The following H4C3 variants were observed in gnomAD, a reference collection of about 807,000 sequenced individuals.
H4C3 encodes H4 clustered histone 3.
A neutral mutation model predicts 5.3 loss-of-function variants in H4C3; 10 were observed. That is an observed-to-expected ratio of 1.87 (90% CI 1.16 to 3.18). The LOEUF (loss-of-function observed/expected upper bound fraction) is 3.18, where lower values mean the gene tolerates loss of function less well. H4C3 is among the 30% of genes most tolerant of loss of function. H4C3 has a pLI of 0.00. For missense variants in H4C3, 191 were observed against 152.5 expected, an observed-to-expected ratio of 1.25 and a Z score of -1.33; for synonymous variants, 133 against 56.8, an observed-to-expected ratio of 2.34 and a Z score of -6.03.
In H4C3 at chr6:26,103,977, C is replaced by T. The variant is rs139978722; in HGVS notation, c.30C>T (p.Gly10=). ...CTGGTCGCGGCAAAGGCGGAAAAGG[C>T]TTGGGGAAGGGTGGTGCTAAGCGCC... The part of the protein sequence containing the change: MSGRGKGGK[G]LGKGGAKRHR... Residue 10 remains glycine (G), a synonymous_variant, in exon 1 of 1, where the codon GGC becomes GGT. Coordinates refer to ENST00000377803, the MANE Select transcript of H4C3 (RefSeq NM_003542.4). 154 of 1,611,424 alleles carry T rather than the reference C, an allele frequency of 9.6e-5. No homozygotes were observed. The highest frequency in any genetic ancestry group is 1.6e-4 in the Middle Eastern group (1 of 6,072).
Position 26,104,279 on chromosome 6 carries a change from C to G in H4C3, c.*20C>G, listed in dbSNP as rs752054338. On this transcript the variant is annotated 3_prime_UTR_variant, in exon 1 of 1. Transcript: ENST00000377803. ...GGCTGAATCTAAGAATACGCGGTCTCCTGAGAACTTCAAAAAACAAAAACA... is the reference window on the plus strand; with the variant it reads ...GGCTGAATCTAAGAATACGCGGTCTGCTGAGAACTTCAAAAAACAAAAACA... 1 of 1,550,162 alleles carries G rather than the reference C, an allele frequency of 6.5e-7. No individual in the cohort carries two copies. Among genetic ancestry groups the G allele is most frequent in the Non-Finnish European group, 8.7e-7 (1 of 1,148,946 alleles).
rs1763196045 is a variant in H4C3, at chr6:26,104,106, G to A, written c.159G>A (p.Glu53=). Residue 53 remains glutamate (E), a synonymous_variant, in exon 1 of 1, where the codon GAG becomes GAA. Coordinates refer to ENST00000377803, the MANE Select transcript of H4C3 (RefSeq NM_003542.4). Reference sequence around the variant, plus strand: ...AGCGCATTTCCGGTCTTATCTATGAGGAGACTCGAGGTGTGCTTAAGGTTT... The same window carrying A: ...AGCGCATTTCCGGTCTTATCTATGAAGAGACTCGAGGTGTGCTTAAGGTTT... ...GVKRISGLIY[E]ETRGVLKVFL... The A allele has an allele frequency of 2.5e-6, 4 of 1,614,150 alleles. No individual in the cohort carries two copies. Among genetic ancestry groups the A allele is most frequent in the Non-Finnish European group, 3.4e-6 (4 of 1,180,036 alleles).
In H4C3 at chr6:26,104,316, A is replaced by C; in HGVS notation, c.*57A>C. 6.7e-7 allele frequency: 1 copy of C among 1,484,274 alleles called. No individual in the cohort carries two copies. The highest frequency in any genetic ancestry group is 1.4e-5 in the African/African-American group (1 of 71,204). The allele number at this position is 1,484,274 out of a possible 1,614,324, so 91.9% of individuals were successfully genotyped here. ...AAAAAACAAAAACAAAAAAACCCAA[A>C]GGCCCTTTTCAGGGCCGCTCACAAA... On this transcript the variant is annotated 3_prime_UTR_variant, in exon 1 of 1. Coordinates refer to ENST00000377803, the MANE Select transcript of H4C3 (RefSeq NM_003542.4).
At position 26,104,313 on chromosome 6, in the gene H4C3, C is replaced by T. The variant is rs1039747164; in HGVS notation, c.*54C>T. The T allele has an allele frequency of 1.3e-6, 2 of 1,491,074 alleles. No individual in the cohort carries two copies. Among genetic ancestry groups the T allele is most frequent in the Admixed American group, 2.3e-5 (1 of 44,278 alleles). The allele number at this position is 1,491,074 out of a possible 1,614,324, so 92.4% of individuals were successfully genotyped here. On this transcript the variant is annotated 3_prime_UTR_variant, in exon 1 of 1. Transcript: ENST00000377803. ...TTCAAAAAACAAAAACAAAAAAACC[C>T]AAAGGCCCTTTTCAGGGCCGCTCAC...
Position 26,104,063 on chromosome 6 carries a change from C to G in H4C3, c.116C>G (p.Ala39Gly). 6.2e-7 allele frequency: 1 copy of G among 1,614,190 alleles called. No individual in the cohort carries two copies. Among genetic ancestry groups the G allele is most frequent in the Non-Finnish European group, 8.5e-7 (1 of 1,180,042 alleles). ...ACAAAACCGGCTATTCGCCGTTTGGCTCGGCGCGGTGGCGTCAAGCGCATT... is the reference window on the plus strand; with the variant it reads ...ACAAAACCGGCTATTCGCCGTTTGGGTCGGCGCGGTGGCGTCAAGCGCATT... Reference protein sequence around the residue: ...GITKPAIRRLARRGGVKRISG... With the variant: ...GITKPAIRRLGRRGGVKRISG... The change falls in exon 1 of 1, where the codon GCT (alanine) becomes GGT (glycine). Residue 39 changes from alanine to glycine, a missense_variant. Ala to Gly is a moderately conservative substitution (Grantham distance 60). Coordinates refer to ENST00000377803, the MANE Select transcript of H4C3 (RefSeq NM_003542.4).
chr6:26,103,933 A>T lies in H4C3; in HGVS notation c.-15A>T. 6.3e-7 allele frequency: 1 copy of T among 1,590,932 alleles called. No homozygotes were observed. Reference sequence around the variant, plus strand: ...GGAACTGTTTCAGTTCATACCTTCCACTGCGATAGGAATCATGTCTGGTCG... The same window carrying T: ...GGAACTGTTTCAGTTCATACCTTCCTCTGCGATAGGAATCATGTCTGGTCG... On this transcript the variant is annotated 5_prime_UTR_variant, in exon 1 of 1. Transcript: ENST00000377803.
chr6:26,104,331 C>A lies in H4C3; in HGVS notation c.*72C>A. 1 of 1,379,290 alleles carries A rather than the reference C, an allele frequency of 7.3e-7. No homozygotes were observed. The highest frequency in any genetic ancestry group is 9.8e-7 in the Non-Finnish European group (1 of 1,022,022). The allele number at this position is 1,379,290 out of a possible 1,614,324, so 85.4% of individuals were successfully genotyped here. On this transcript the variant is annotated 3_prime_UTR_variant, in exon 1 of 1. Transcript: ENST00000377803. ...AAAAACCCAAAGGCCCTTTTCAGGG[C>A]CGCTCACAAAGTCGTTTAAAGAGCT...
chr6:26,103,941 A>T lies in H4C3; in HGVS notation c.-7A>T, dbSNP rs755585231. 6.3e-7 allele frequency: 1 copy of T among 1,596,666 alleles called. No homozygotes were observed. Among genetic ancestry groups the T allele is most frequent in the Non-Finnish European group, 8.6e-7 (1 of 1,167,712 alleles). On this transcript the variant is annotated 5_prime_UTR_variant, in exon 1 of 1. Transcript: ENST00000377803. ...TTCAGTTCATACCTTCCACTGCGAT[A>T]GGAATCATGTCTGGTCGCGGCAAAG...
At position 26,104,061 on chromosome 6, in the gene H4C3, G is replaced by T. The variant is rs1397371753; in HGVS notation, c.114G>T (p.Leu38Phe). The change falls in exon 1 of 1, where the codon TTG becomes TTT. Residue 38 changes from leucine to phenylalanine, a missense_variant. Physicochemically the swap from Leu to Phe is conservative, Grantham distance 22. Transcript: ENST00000377803. ...TTACAAAACCGGCTATTCGCCGTTT[G>T]GCTCGGCGCGGTGGCGTCAAGCGCA... Reference protein sequence around the residue: ...QGITKPAIRRLARRGGVKRIS... With the variant: ...QGITKPAIRRFARRGGVKRIS... The T allele has an allele frequency of 6.2e-7, 1 of 1,614,180 alleles. No individual in the cohort carries two copies. The highest frequency in any genetic ancestry group is 1.3e-5 in the African/African-American group (1 of 75,040).
At position 26,104,039 on chromosome 6, in the gene H4C3, C is replaced by G. The variant is rs1763193755; in HGVS notation, c.92C>G (p.Thr31Arg). Residue 31 changes from threonine to arginine, a missense_variant, in exon 1 of 1, where the codon ACA becomes AGA. Coordinates refer to ENST00000377803, the MANE Select transcript of H4C3 (RefSeq NM_003542.4). ...KVLRDNIQGI[T>R]KPAIRRLARR... ...CTCCGGGATAACATCCAGGGCATTA[C>G]AAAACCGGCTATTCGCCGTTTGGCT... 6.2e-7 allele frequency: 1 copy of G among 1,614,060 alleles called. No homozygotes were observed.
At position 26,103,994 on chromosome 6, in the gene H4C3, C is replaced by T; in HGVS notation, c.47C>T (p.Ala16Val). The change falls in exon 1 of 1, where the codon GCT becomes GTT. Residue 16 changes from alanine (A) to valine (V), a missense_variant. Ala to Val is a moderately conservative substitution (Grantham distance 64). Transcript: ENST00000377803. ...GGAAAAGGCTTGGGGAAGGGTGGTGCTAAGCGCCATCGTAAGGTGCTCCGG... is the reference window on the plus strand; with the variant it reads ...GGAAAAGGCTTGGGGAAGGGTGGTGTTAAGCGCCATCGTAAGGTGCTCCGG... ...KGGKGLGKGG[A>V]KRHRKVLRDN... 3 of 1,613,900 alleles carry T rather than the reference C, an allele frequency of 1.9e-6. No homozygotes were observed. Among genetic ancestry groups the T allele is most frequent in the Non-Finnish European group, 2.5e-6 (3 of 1,179,814 alleles).
Position 26,104,016 on chromosome 6 carries a change from C to G in H4C3, c.69C>G (p.Leu23=), listed in dbSNP as rs1345042601. 2.5e-6 allele frequency: 4 copies of G among 1,614,134 alleles called. No homozygotes were observed. Among genetic ancestry groups the G allele is most frequent in the Admixed American group, 1.7e-5 (1 of 60,008 alleles). ...KGGAKRHRKV[L]RDNIQGITKP... The stretch of plus-strand genomic sequence containing the variant: ...GTGCTAAGCGCCATCGTAAGGTGCT[C>G]CGGGATAACATCCAGGGCATTACAA... The change falls in exon 1 of 1, where the codon CTC becomes CTG. Residue 23 remains leucine, a synonymous_variant. Transcript: ENST00000377803.
In H4C3 at chr6:26,104,295, A is replaced by G. The variant is rs746933560; in HGVS notation, c.*36A>G. On this transcript the variant is annotated 3_prime_UTR_variant, in exon 1 of 1. Coordinates refer to ENST00000377803, the MANE Select transcript of H4C3 (RefSeq NM_003542.4). ...ACGCGGTCTCCTGAGAACTTCAAAA[A>G]ACAAAAACAAAAAAACCCAAAGGCC... The G allele has an allele frequency of 1.6e-5, 25 of 1,529,094 alleles. No homozygotes were observed. Among genetic ancestry groups the G allele is most frequent in the Admixed American group, 4.4e-5 (2 of 45,932 alleles). The allele number at this position is 1,529,094 out of a possible 1,614,324, so 94.7% of individuals were successfully genotyped here.
rs756104062 is a variant in H4C3, at chr6:26,104,058, T to C, written c.111T>C (p.Arg37=). ...GCATTACAAAACCGGCTATTCGCCG[T>C]TTGGCTCGGCGCGGTGGCGTCAAGC... ...IQGITKPAIR[R]LARRGGVKRI... Residue 37 remains arginine, a synonymous_variant, in exon 1 of 1, where the codon CGT becomes CGC. Coordinates refer to ENST00000377803, the MANE Select transcript of H4C3 (RefSeq NM_003542.4). 2.6e-5 allele frequency: 42 copies of C among 1,614,038 alleles called. No individual in the cohort carries two copies. The Admixed American group carries it at 6.0e-4, about 23-fold the overall frequency.
Position 26,104,110 on chromosome 6 carries a change from A to G in H4C3, c.163A>G (p.Thr55Ala). 2 of 1,613,848 alleles carry G rather than the reference A, an allele frequency of 1.2e-6. No individual in the cohort carries two copies. The highest frequency in any genetic ancestry group is 1.7e-6 in the Non-Finnish European group (2 of 1,179,954). The change falls in exon 1 of 1, where the codon ACT becomes GCT. Residue 55 changes from threonine to alanine, a missense_variant. Physicochemically the swap from Thr to Ala is moderately conservative, Grantham distance 58. Coordinates refer to ENST00000377803, the MANE Select transcript of H4C3 (RefSeq NM_003542.4). ...KRISGLIYEE[T>A]RGVLKVFLEN... is the part of the protein sequence containing the mutation. ...CATTTCCGGTCTTATCTATGAGGAG[A>G]CTCGAGGTGTGCTTAAGGTTTTCTT...
Position 26,104,040 on chromosome 6 carries a change from A to G in H4C3, c.93A>G (p.Thr31=), listed in dbSNP as rs751464949. Residue 31 remains threonine, a synonymous_variant, in exon 1 of 1, where the codon ACA becomes ACG. Transcript: ENST00000377803. ...TCCGGGATAACATCCAGGGCATTAC[A>G]AAACCGGCTATTCGCCGTTTGGCTC... ...KVLRDNIQGI[T]KPAIRRLARR... 8.7e-6 allele frequency: 14 copies of G among 1,614,102 alleles called. No individual in the cohort carries two copies. The highest frequency in any genetic ancestry group is 1.7e-5 in the Admixed American group (1 of 60,008).
Position 26,104,244 on chromosome 6 carries a change from T to C in H4C3, c.297T>C (p.Tyr99=). The C allele has an allele frequency of 1.3e-6, 2 of 1,592,948 alleles. No homozygotes were observed. Among genetic ancestry groups the C allele is most frequent in the South Asian group, 2.2e-5 (2 of 89,764 alleles). Residue 99 remains tyrosine, a synonymous_variant, in exon 1 of 1, where the codon TAT becomes TAC. Coordinates refer to ENST00000377803, the MANE Select transcript of H4C3 (RefSeq NM_003542.4). ...TAAAACGTCAGGGGCGCACTCTGTATGGCTTCGGCGGCTGAATCTAAGAAT... is the reference window on the plus strand; with the variant it reads ...TAAAACGTCAGGGGCGCACTCTGTACGGCTTCGGCGGCTGAATCTAAGAAT... ...YALKRQGRTL[Y]GFGG
rs760135344 is a variant in H4C3 at position 26,103,933 on chromosome 6, A to G, written c.-15A>G. ...GGAACTGTTTCAGTTCATACCTTCC[A>G]CTGCGATAGGAATCATGTCTGGTCG... On this transcript the variant is annotated 5_prime_UTR_variant, in exon 1 of 1. Coordinates refer to ENST00000377803, the MANE Select transcript of H4C3 (RefSeq NM_003542.4). 1.6e-5 allele frequency: 25 copies of G among 1,590,872 alleles called. No individual in the cohort carries two copies. In the Admixed American group the frequency reaches 2.1e-4, roughly 13 times the overall value.
Position 26,104,066 on chromosome 6 carries a change from G to A in H4C3, c.119G>A (p.Arg40Gln), listed in dbSNP as rs1763195130. The A allele has an allele frequency of 6.2e-7, 1 of 1,614,178 alleles. No homozygotes were observed. Among genetic ancestry groups the A allele is most frequent in the Non-Finnish European group, 8.5e-7 (1 of 1,180,040 alleles). Residue 40 changes from arginine to glutamine, a missense_variant, in exon 1 of 1, where the codon CGG becomes CAG. Coordinates refer to ENST00000377803, the MANE Select transcript of H4C3 (RefSeq NM_003542.4). Reference protein sequence around the residue: ...ITKPAIRRLARRGGVKRISGL... With the variant: ...ITKPAIRRLAQRGGVKRISGL... ...AAACCGGCTATTCGCCGTTTGGCTC[G>A]GCGCGGTGGCGTCAAGCGCATTTCC...
Sources: gnomAD v4.1 joint callset for allele counts on GRCh38, gnomAD v4.1.1 for gene constraint, MANE v1.5 for transcripts, NCBI Gene and HGNC (gene_info 2026-07-23, HGNC 2026-07-21) for gene names.